Variants in BBS9 observed in about 807,000 individuals in gnomAD.
BBS9 encodes the protein Bardet-Biedl syndrome 9, also known as protein PTHB1.
A neutral mutation model predicts 117.7 loss-of-function variants in BBS9; 89 were observed. The ratio of observed to expected loss-of-function variants is 0.76; its 90% CI spans 0.64 to 0.90. The LOEUF (loss-of-function observed/expected upper bound fraction) is 0.90, where lower values mean the gene tolerates loss of function less well. Ranked by LOEUF, BBS9 falls within the 40% of genes least tolerant of loss-of-function variation. BBS9 has a pLI of 0.00. For synonymous variants in BBS9, 379 were observed against 370.9 expected, an observed-to-expected ratio of 1.02 and a Z score of -0.25; for missense variants, 982 against 1,042.2, an observed-to-expected ratio of 0.94 and a Z score of 0.80.
chr7:33,269,318 G>T (rs1268940359), intron 7 of BBS9, among the ~76,000 whole-genome samples: 7 of 152,128 alleles, frequency 4.6e-5, no homozygotes, highest in Admixed American at 4.6e-4. Flanking sequence ...TGTTTATGCA[G>T]ATTTTTCTCT....
intron 5 of BBS9, among the ~76,000 whole-genome samples, chr7:33,202,478 C>T (rs1291292065): frequency 6.6e-6 from 1 of 152,136 alleles, no homozygotes; most frequent in African/African-American, 2.4e-5. Flanking sequence ...CTATAAAGAA[C>T]TACCCAAGAT....
At chr7:33,622,594 T>C (rs994283605) in intron 21 of BBS9, among the ~76,000 whole-genome samples, 11 of 152,160 alleles carry the variant, frequency 7.2e-5, no homozygotes, top group African/African-American at 2.7e-4. Context: ...TATACTTTAA[T>C]AAAGCTTGAG....
At chr7:33,540,104 T>C (rs764882057) in intron 21 of BBS9, among the ~76,000 whole-genome samples, 1 of 152,212 alleles carries the variant, frequency 6.6e-6, no homozygotes, top group Non-Finnish European at 1.5e-5. Context: ...CCCTCAATTA[T>C]ATATGTAAAA....
intron 21 of BBS9, among the ~76,000 whole-genome samples, chr7:33,551,117 G>A (rs1362306810): frequency 2.0e-5 from 3 of 152,128 alleles, no homozygotes; most frequent in African/African-American, 7.2e-5. Flanking sequence ...CTTGTTGGTT[G>A]CTCTAAGATA....
chr7:33,365,237 C>T (rs927453037), intron 16 of BBS9, among the ~76,000 whole-genome samples: 1 of 151,998 alleles, frequency 6.6e-6, no homozygotes, highest in Non-Finnish European at 1.5e-5. Flanking sequence ...CTTTGTTTTT[C>T]GTGTTTCTTG....
At chr7:33,361,676 A>G (rs905860309) in intron 16 of BBS9, among the ~76,000 whole-genome samples, 3 of 152,000 alleles carry the variant, frequency 2.0e-5, no homozygotes, top group Non-Finnish European at 4.4e-5. Flanking sequence ...AACTACTTGC[A>G]TTTCTTCTTT....
intron 19 of BBS9, among the ~76,000 whole-genome samples, chr7:33,492,894 T>C (rs1844211781): frequency 6.6e-6 from 1 of 150,708 alleles, no homozygotes; most frequent in South Asian, 2.1e-4. Context: ...TGGAAAATGC[T>C]TGGGCTTTGT....
intron 9 of BBS9, among the ~76,000 whole-genome samples, chr7:33,301,239 TCC>T (rs1806363431): frequency 6.6e-6 from 1 of 151,996 alleles, no homozygotes; most frequent in Non-Finnish European, 1.5e-5. Context: ...AAATGGGGTA[TCC>T]ATCACCTCAA....
intron 19 of BBS9, among the ~76,000 whole-genome samples, chr7:33,391,311 C>T (rs1016493917): frequency 6.6e-6 from 1 of 152,176 alleles, no homozygotes; most frequent in South Asian, 2.1e-4. Flanking sequence ...CTTTTCCCAA[C>T]GTACCGCTTT....
chr7:33,139,713 C>G (rs932985552), intron 1 of BBS9, among the ~76,000 whole-genome samples: 17 of 147,174 alleles, frequency 1.2e-4, no homozygotes, highest in African/African-American at 4.1e-4. Flanking sequence ...AGGTAAGACC[C>G]CCTTTGAGTG....
chr7:33,514,897 C>A (rs770385735), intron 20 of BBS9, among the ~76,000 whole-genome samples: 3 of 152,162 alleles, frequency 2.0e-5, no homozygotes, highest in Non-Finnish European at 4.4e-5. Context: ...AGATGCATGA[C>A]CCCATTTGGC....
rs1194329764 is a variant in BBS9, at chr7:33,364,084, G to T, written c.1694-3683G>T. Among the ~76,000 whole-genome samples the T allele has an allele frequency of 9.0e-5, 8 of 88,866 alleles. 2 individuals are homozygous for T. The highest frequency in any genetic ancestry group is 3.9e-4 in the African/African-American group (8 of 20,570). The allele number at this position is 88,866 out of a possible 152,430, so 58.3% of individuals were successfully genotyped here. A position where few individuals can be genotyped will look rare whatever the true frequency, so the allele number is the denominator to read the frequency against. On this transcript the variant is annotated intron_variant, in intron 16 of 22. Coordinates refer to ENST00000242067, the MANE Select transcript of BBS9 (RefSeq NM_198428.3). ...CTGCCTCAGCCTCCCGAGTAGCTGG[G>T]ACTACAGGCGCCCGCTACCACGCCC...
chr7:33,469,040 A>G (rs548868811), intron 19 of BBS9, among the ~76,000 whole-genome samples: 28 of 151,922 alleles, frequency 1.8e-4, no homozygotes, highest in Admixed American at 3.3e-4. Flanking sequence ...TTGAGAAGTC[A>G]TCTGCTCTTT....
intron 5 of BBS9, among the ~76,000 whole-genome samples, chr7:33,240,493 T>A (rs964301199): frequency 2.0e-5 from 3 of 152,162 alleles, no homozygotes; most frequent in Admixed American, 6.5e-5. Context: ...GCTCAAGCAA[T>A]TCTCCCACCT....
intron 4 of BBS9, among the ~76,000 whole-genome samples, chr7:33,159,375 G>A (rs987856336): frequency 2.0e-5 from 3 of 152,114 alleles, no homozygotes; most frequent in South Asian, 4.1e-4. Flanking sequence ...AGAGTAGAGG[G>A]TACTTCCTTA....
rs13309541 is a variant in BBS9, at chr7:33,548,767, G to A, written c.2521+14591G>A. Reference sequence around the variant, plus strand: ...GAGAACTACAAACCACTGCTCAAGGGAATAAAAGAGGATACAAACAAATGG... The same window carrying A: ...GAGAACTACAAACCACTGCTCAAGGAAATAAAAGAGGATACAAACAAATGG... On this transcript the variant is annotated intron_variant, in intron 21 of 22. Transcript: ENST00000242067. Among the ~76,000 whole-genome samples, 383 of 150,312 alleles carry A rather than the reference G, an allele frequency of 2.5e-3. 2 individuals are homozygous for A. The highest frequency in any genetic ancestry group is 4.3e-3 in the Non-Finnish European group (288 of 67,506).
intron 19 of BBS9, among the ~76,000 whole-genome samples, chr7:33,466,227 C>T (rs1840144345): frequency 6.6e-6 from 1 of 152,080 alleles, no homozygotes; most frequent in African/African-American, 2.4e-5. Context: ...ACTATAGTCA[C>T]CATGCTGTAC....
chr7:33,459,399 C>T (rs554856436), intron 19 of BBS9, among the ~76,000 whole-genome samples: 8 of 151,610 alleles, frequency 5.3e-5, no homozygotes, highest in Admixed American at 5.3e-4. Context: ...TAAGTAGAGG[C>T]CAGTGATGTT....
At chr7:33,166,824 C>T (rs1198562781) in intron 4 of BBS9, among the ~76,000 whole-genome samples, 1 of 152,224 alleles carries the variant, frequency 6.6e-6, no homozygotes, top group African/African-American at 2.4e-5. Flanking sequence ...TATCCCCCAA[C>T]CCCTTGCACT....
Sources: allele counts gnomAD v4.1 joint callset (sites outside exome capture counted in the v4.1 genomes callset), GRCh38; gene constraint gnomAD v4.1.1; transcripts MANE v1.5; gene names NCBI Gene and HGNC (gene_info 2026-07-23, HGNC 2026-07-21).